DMD: variants seen among roughly 807,000 people sequenced by gnomAD.
DMD encodes mutant dystrophin.
A neutral mutation model predicts 330.1 loss-of-function variants in DMD; 63 were observed. That is an observed-to-expected ratio of 0.19 (90% confidence interval 0.16 to 0.24). DMD has a LOEUF of 0.24. Among genes scored for constraint, DMD ranks in the 10% least tolerant of loss-of-function variants. DMD has a pLI of 1.00. For missense variants in DMD, 3,344 were observed against 2,684.1 expected (o/e 1.25, Z -5.43); for synonymous variants, 1,223 against 959.8 (o/e 1.27, Z -5.07).
At chrX:31,596,704 T>C (rs963741143) in intron 55 of DMD, among the ~76,000 whole-genome samples, 2 of 112,187 alleles carry the variant, frequency 1.8e-5, no homozygotes, top group African/African-American at 6.5e-5. Context: ...GACTAGATAA[T>C]AGCAAAAGTC....
intron 1 of DMD, among the ~76,000 whole-genome samples, chrX:33,216,739 T>C (rs2052065155): frequency 8.9e-6 from 1 of 112,179 alleles, no homozygotes; most frequent in African/African-American, 3.2e-5. Context: ...AATTACTTTT[T>C]TTTGTCTACA....
At chrX:32,744,384 TTG>T (rs2148214457) in intron 7 of DMD, among the ~76,000 whole-genome samples, 1 of 111,042 alleles carries the variant, frequency 9.0e-6, no homozygotes, top group South Asian at 3.8e-4. Flanking sequence ...CTTCCTAGCA[TTG>T]TGTGATCTTG....
At chrX:33,073,370 T>C (rs749767610) in intron 1 of DMD, among the ~76,000 whole-genome samples, 2 of 112,251 alleles carry the variant, frequency 1.8e-5, no homozygotes, top group East Asian at 2.8e-4. Context: ...TACAATTCTA[T>C]TTAAAAATAG....
intron 1 of DMD, among the ~76,000 whole-genome samples, chrX:33,201,458 G>T (rs748482213): frequency 9.0e-6 from 1 of 111,103 alleles, no homozygotes; most frequent in African/African-American, 3.3e-5. Context: ...TCATATATAT[G>T]AGAATGCCAA....
At chrX:32,793,543 G>GA (rs539553963) in intron 7 of DMD, among the ~76,000 whole-genome samples, 4,339 of 101,294 alleles carry the variant, frequency 0.043, 219 homozygotes, top group African/African-American at 0.14. Context: ...GACTAACCAA[G>GA]AAAAAAAAAA....
At chrX:31,469,362 C>T (rs1244464824) in intron 59 of DMD, among the ~76,000 whole-genome samples, 1 of 111,725 alleles carries the variant, frequency 9.0e-6, no homozygotes, top group African/African-American at 3.3e-5. Flanking sequence ...GTAAGGCAGG[C>T]CTGGTGGTGA....
At chrX:32,701,787 G>C (rs1309693737) in intron 7 of DMD, among the ~76,000 whole-genome samples, 7 of 111,490 alleles carry the variant, frequency 6.3e-5, no homozygotes, top group African/African-American at 2.3e-4. Flanking sequence ...GTAAAAAATG[G>C]TGAAAAATTG....
chrX:31,832,140 T>C (rs907930961), intron 49 of DMD, among the ~76,000 whole-genome samples: 16 of 111,955 alleles, frequency 1.4e-4, no homozygotes, highest in African/African-American at 4.9e-4. Context: ...TTACACCAGG[T>C]AAATGAGATT....
chrX:31,678,133 T>C (rs2082179295), intron 53 of DMD, among the ~76,000 whole-genome samples: 1 of 112,328 alleles, frequency 8.9e-6, no homozygotes, highest in Non-Finnish European at 1.9e-5. Flanking sequence ...GCAGTCTTTA[T>C]TGTGTTAAGC....
At chrX:31,643,168 TTTTGATAAACTATATTTTATAG>T (rs1022104613) in intron 54 of DMD, among the ~76,000 whole-genome samples, 21 of 111,918 alleles carry the variant, frequency 1.9e-4, no homozygotes, top group Non-Finnish European at 4.0e-4. Context: ...GAAAAATTGG[TTTTGATAAACTATATTTTATAG>T]TTTGATAAAC....
chrX:32,870,946 G>T (rs1285687710), intron 2 of DMD, among the ~76,000 whole-genome samples: 1 of 54,359 alleles, frequency 1.8e-5, no homozygotes, highest in East Asian at 6.7e-4. Flanking sequence ...GAACTAAAAG[G>T]CTTCTGTACA....
At chrX:31,616,774 T>TA (rs918076559) in intron 55 of DMD, among the ~76,000 whole-genome samples, 2 of 110,733 alleles carry the variant, frequency 1.8e-5, no homozygotes, top group East Asian at 2.8e-4. Flanking sequence ...TGGAGGAGGG[T>TA]AAAAAATAGT....
intron 13 of DMD, among the ~76,000 whole-genome samples, chrX:32,578,962 T>C (rs2053357923): frequency 8.9e-6 from 1 of 111,847 alleles, no homozygotes; most frequent in Non-Finnish European, 1.9e-5. Flanking sequence ...TCTTGATTTT[T>C]CTCTTACTTT....
At chrX:33,056,461 A>G (rs1230916923) in intron 1 of DMD, among the ~76,000 whole-genome samples, 11 of 110,217 alleles carry the variant, frequency 1.0e-4, no homozygotes, top group African/African-American at 3.6e-4. Flanking sequence ...CCAGGGTTCA[A>G]GCGATTCTCC....
chrX:31,188,927 C>A (rs2178539), intron 67 of DMD, among the ~76,000 whole-genome samples: 7,835 of 111,213 alleles, frequency 0.07, 336 homozygotes, highest in East Asian at 0.28. Flanking sequence ...TCTAGCAAAC[C>A]GATTTACCTA....
chrX:32,119,160 T>A (rs998245758), intron 44 of DMD, among the ~76,000 whole-genome samples: 6 of 109,916 alleles, frequency 5.5e-5, no homozygotes, highest in Non-Finnish European at 1.1e-4. Context: ...TGAAACCCTG[T>A]CTCTACTAAA....
intron 52 of DMD, among the ~76,000 whole-genome samples, chrX:31,726,427 A>C (rs1261696647): frequency 8.9e-6 from 1 of 112,625 alleles, no homozygotes; most frequent in Non-Finnish European, 1.9e-5. Flanking sequence ...TACATATATT[A>C]ACTATTTTTT....
intron 19 of DMD, among the ~76,000 whole-genome samples, 162 bp downstream of exon 19, chrX:32,501,593 T>C (rs1186581007): frequency 8.9e-6 from 1 of 111,878 alleles, no homozygotes; most frequent in Non-Finnish European, 1.9e-5. Context: ...CTCCTAATAA[T>C]TTCCTTAGCA....
intron 51 of DMD, among the ~76,000 whole-genome samples, chrX:31,761,461 A>G (rs1221379075): frequency 8.9e-6 from 1 of 111,991 alleles, no homozygotes; most frequent in African/African-American, 3.2e-5. Flanking sequence ...TGATCTTTAA[A>G]ACATGTTATT....
Sources: gnomAD v4.1 joint callset for allele counts (sites outside exome capture counted in the v4.1 genomes callset) on GRCh38, gnomAD v4.1.1 for gene constraint, MANE v1.5 for transcripts, NCBI Gene and HGNC (gene_info 2026-07-23, HGNC 2026-07-21) for gene names.